The following UNC79 variants were observed in gnomAD, a reference collection of about 807,000 sequenced individuals.
The protein encoded by UNC79 is protein unc-79 homolog.
In UNC79, 37 loss-of-function variants were observed where a neutral mutation model predicts 283.1. The observed-to-expected ratio is 0.13, with a 90% CI of 0.10 to 0.17. The LOEUF (loss-of-function observed/expected upper bound fraction) is 0.17. Among genes scored for constraint, UNC79 ranks in the 10% least tolerant of loss-of-function variants. UNC79 has a pLI of 1.00. For synonymous variants in UNC79, 1,107 were observed against 1,200.2 expected, an observed-to-expected ratio of 0.92 and a Z score of 1.61; for missense variants, 2,272 against 3,211.1, an observed-to-expected ratio of 0.71 and a Z score of 7.07.
At chr14:93,560,565 T>G (rs2062481786) in intron 14 of UNC79, among the ~76,000 whole-genome samples, 1 of 151,946 alleles carries the variant, frequency 6.6e-6, no homozygotes, top group Non-Finnish European at 1.5e-5. Context: ...CAGAAAGTCG[T>G]AAACTGACAA....
At chr14:93,630,714 G>A in intron 30 of UNC79, 87 bp from the exon 33 acceptor site, 1 of 1,000,786 alleles carries the variant, frequency 1.0e-6, no homozygotes, top group Non-Finnish European at 1.5e-6. Flanking sequence ...AATGGTTGTA[G>A]TAGACAAGAG....
chr14:93,616,749 AG>A (rs1300302530), intron 27 of UNC79, among the ~76,000 whole-genome samples: 6 of 152,278 alleles, frequency 3.9e-5, no homozygotes, highest in East Asian at 3.9e-4. Context: ...TACTTGGTTC[AG>A]ATTGAACCAA....
At chr14:93,522,844 C>A (rs2060384727) in intron 7 of UNC79, among the ~76,000 whole-genome samples, 3 of 151,784 alleles carry the variant, frequency 2.0e-5, no homozygotes, top group Admixed American at 6.6e-5. Context: ...TCCGTGAATC[C>A]CCAACTAGAC....
chr14:93,463,643 C>T (rs1227153546), intron 1 of UNC79, among the ~76,000 whole-genome samples: 1 of 152,136 alleles, frequency 6.6e-6, no homozygotes, highest in Admixed American at 6.5e-5. Context: ...TTGACATCTA[C>T]TATTTAATAT....
chr14:93,659,297 A>C (rs751908190), intron 39 of UNC79, 36 bp downstream of exon 42: 1 of 1,564,384 alleles, frequency 6.4e-7, no homozygotes, highest in South Asian at 1.2e-5. Context: ...CCAATTGGTT[A>C]GTCAGTTTTT....
intron 14 of UNC79, among the ~76,000 whole-genome samples, chr14:93,563,435 A>G (rs2062683296): frequency 2.0e-5 from 3 of 152,206 alleles, no homozygotes; most frequent in Admixed American, 6.5e-5. Context: ...TTCTCAGCCT[A>G]TATAACAGCA....
At chr14:93,536,361 G>C (rs961635747) in intron 11 of UNC79, among the ~76,000 whole-genome samples, 4 of 152,142 alleles carry the variant, frequency 2.6e-5, no homozygotes, top group Non-Finnish European at 5.9e-5. Flanking sequence ...TGCGAGTCCT[G>C]CTTCCTGGGA....
At chr14:93,357,048 C>T (rs777237421) in intron 1 of UNC79, among the ~76,000 whole-genome samples, 5 of 152,128 alleles carry the variant, frequency 3.3e-5, no homozygotes, top group Admixed American at 6.6e-5. Flanking sequence ...GTTTCTTGTT[C>T]CTTTGTTTCC....
chr14:93,674,313 G>C (rs1021130674), intron 41 of UNC79, among the ~76,000 whole-genome samples: 3 of 152,156 alleles, frequency 2.0e-5, no homozygotes, highest in Admixed American at 6.5e-5. Flanking sequence ...AGCATAGAGA[G>C]GTTGACTGGC....
At chr14:93,558,836 C>T (rs934979119) in intron 14 of UNC79, among the ~76,000 whole-genome samples, 6 of 151,858 alleles carry the variant, frequency 4.0e-5, no homozygotes, top group African/African-American at 1.5e-4. Flanking sequence ...GAAAATCTTC[C>T]TTTTCTGTTT....
At position 93,457,837 on chromosome 14, in the gene UNC79, C is replaced by G. The variant is rs547853853; in HGVS notation, c.23-9834C>G. On this transcript the variant is annotated intron_variant, in intron 1 of 48. Transcript: ENST00000555664. ...CAATGTGGCTGGAGAAGAGGGTAGA[C>G]CCTGGAGTTGATTTCTAGACAGAAC... Among the ~76,000 whole-genome samples the G allele has an allele frequency of 7.4e-4, 112 of 152,210 alleles. 2 individuals are homozygous for G. Among genetic ancestry groups the G allele is most frequent in the African/African-American group, 2.6e-3 (107 of 41,528 alleles).
chr14:93,460,565 A>T (rs1369081496), intron 1 of UNC79, among the ~76,000 whole-genome samples: 1 of 151,806 alleles, frequency 6.6e-6, no homozygotes, highest in Admixed American at 6.6e-5. Flanking sequence ...TGCTCAAGAG[A>T]TGTTATTCAC....
chr14:93,467,654 T>TTTG lies in UNC79; in HGVS notation c.23-15_23-14insGTT. 3 of 1,148,446 alleles carry TTTG rather than the reference T, an allele frequency of 2.6e-6. No individual in the cohort carries two copies. Among genetic ancestry groups the TTTG allele is most frequent in the Non-Finnish European group, 3.2e-6 (3 of 940,832 alleles). 71.1% of individuals were successfully genotyped at this position (1,148,446 alleles called of 1,614,324 possible). A position where few individuals can be genotyped will look rare whatever the true frequency, so the allele number is the denominator to read the frequency against. ...TTTTTTTTTTTTTTTTTTTTTTTTT[T>TTTG]TTTTGCTTTTATCTAGTTGCTTCCA... On this transcript the variant is annotated splice_polypyrimidine_tract_variant and intron_variant, in intron 1 of 48. Transcript: ENST00000555664.
chr14:93,602,621 T>C (rs748303259), intron 25 of UNC79, among the ~76,000 whole-genome samples: 2 of 152,144 alleles, frequency 1.3e-5, no homozygotes, highest in Non-Finnish European at 2.9e-5. Flanking sequence ...TTAGAGTTGG[T>C]TTTCTAGCTC....
intron 7 of UNC79, among the ~76,000 whole-genome samples, chr14:93,518,514 T>G (rs946385259): frequency 6.6e-6 from 1 of 151,958 alleles, no homozygotes; most frequent in African/African-American, 2.4e-5. Flanking sequence ...GTTTTTGATT[T>G]TATTGATTTT....
intron 2 of UNC79, among the ~76,000 whole-genome samples, chr14:93,468,721 C>T (rs1024969461): frequency 3.3e-5 from 5 of 152,186 alleles, no homozygotes; most frequent in Admixed American, 6.5e-5. Flanking sequence ...AAGTCAGCTA[C>T]GAATCTTTTG....
chr14:93,435,511 A>G (rs749078397), intron 1 of UNC79, among the ~76,000 whole-genome samples: 4 of 152,186 alleles, frequency 2.6e-5, no homozygotes, highest in Non-Finnish European at 4.4e-5. Context: ...GGTATCATCT[A>G]CGAGGATGCC....
chr14:93,365,076 A>T (rs1323287718), intron 1 of UNC79, among the ~76,000 whole-genome samples: 1 of 151,920 alleles, frequency 6.6e-6, no homozygotes, highest in East Asian at 1.9e-4. Context: ...CTACAAAAAA[A>T]AACCTTTTAA....
chr14:93,376,187 A>G (rs956879029), intron 1 of UNC79, among the ~76,000 whole-genome samples: 4 of 152,206 alleles, frequency 2.6e-5, no homozygotes, highest in Non-Finnish European at 4.4e-5. Flanking sequence ...TAAGTTTCTA[A>G]GTTTTAGGCT....
Sources: allele counts gnomAD v4.1 joint callset (sites outside exome capture counted in the v4.1 genomes callset), GRCh38; gene constraint gnomAD v4.1.1; transcripts MANE v1.5; gene names NCBI Gene and HGNC (gene_info 2026-07-23, HGNC 2026-07-21).